ADAMTS5: variants seen among roughly 807,000 people sequenced by gnomAD.
The protein encoded by ADAMTS5 is ADAM metallopeptidase with thrombospondin type 1 motif 5.
ADAMTS5 carries 54 observed loss-of-function variants against 81.4 expected under a neutral mutation model. That is an observed-to-expected ratio of 0.66 (90% CI 0.53 to 0.83). The LOEUF is 0.83. Ranked by LOEUF, ADAMTS5 falls within the 40% of genes least tolerant of loss-of-function variation. The pLI, the probability that ADAMTS5 is intolerant of heterozygous loss-of-function variation, is 0.00. For missense variants in ADAMTS5, 1,194 were observed against 1,229.9 expected (o/e 0.97, Z 0.44); for synonymous variants, 532 against 508.8 (o/e 1.05, Z -0.61).
In ADAMTS5 at chr21:26,965,849, C is replaced by A; in HGVS notation, c.543G>T (p.Val181=). 1 of 1,612,782 alleles carries A rather than the reference C, an allele frequency of 6.2e-7. No homozygotes were observed. Among genetic ancestry groups the A allele is most frequent in the Non-Finnish European group, 8.5e-7 (1 of 1,179,558 alleles). The change falls in exon 1 of 8, where the codon GTG becomes GTT. Residue 181 remains valine (V), a synonymous_variant. Transcript: ENST00000284987. ...GPWAEEEKGR[V]YGDGSARILH... ...GGATCCGTGCGGACCCATCCCCGTACACGCGCCCCTTTTCTTCCTCCGCCC... is the reference window on the plus strand; with the variant it reads ...GGATCCGTGCGGACCCATCCCCGTAAACGCGCCCCTTTTCTTCCTCCGCCC...
Position 26,923,158 on chromosome 21 carries a change from T to C in ADAMTS5, c.*895A>G, listed in dbSNP as rs1010464239. The C allele has an allele frequency of 2.0e-5, 3 of 152,164 alleles. No homozygotes were observed. The highest frequency in any genetic ancestry group is 4.4e-5 in the Non-Finnish European group (3 of 68,014). The allele number at this position is 152,164 out of a possible 1,614,324, so 9.4% of individuals were successfully genotyped here. ...AAGCTCTGGAGAGAGAAAGTAGTTG[T>C]GAAAATATAAATTGAAAACACAGTG... On this transcript the variant is annotated 3_prime_UTR_variant, in exon 8 of 8. Transcript: ENST00000284987.
intron 3 of ADAMTS5, among the ~76,000 whole-genome samples, 193 bp from the exon 4 acceptor site, chr21:26,934,942 G>A (rs1018452937): frequency 6.6e-6 from 1 of 152,144 alleles, no homozygotes; most frequent in Non-Finnish European, 1.5e-5. Context: ...ACCCTCCAGG[G>A]TTCTCAGGAG....
At chr21:26,949,280 C>T (rs1475086258) in intron 2 of ADAMTS5, among the ~76,000 whole-genome samples, 1 of 151,872 alleles carries the variant, frequency 6.6e-6, no homozygotes, top group African/African-American at 2.4e-5. Flanking sequence ...CCACTGAAGC[C>T]TCCATCTCTT....
chr21:26,930,628 T>C (rs1417367988), intron 6 of ADAMTS5, among the ~76,000 whole-genome samples: 3 of 152,196 alleles, frequency 2.0e-5, no homozygotes, highest in Non-Finnish European at 4.4e-5. Context: ...ACGGACTTAC[T>C]GGAAGAGACT....
rs1009466824 is a variant in ADAMTS5 at position 26,965,345 on chromosome 21, G to T, written c.1047C>A (p.Asn349Lys). 1 of 1,614,154 alleles carries T rather than the reference G, an allele frequency of 6.2e-7. No homozygotes were observed. Among genetic ancestry groups the T allele is most frequent in the African/African-American group, 1.3e-5 (1 of 74,960 alleles). Residue 349 changes from asparagine to lysine, a missense_variant, in exon 1 of 8, where the codon AAC becomes AAA. Asn to Lys is a moderately conservative substitution (Grantham distance 94, BLOSUM62 0). This residue lies in a region of ADAMTS5 where 696 missense variants were observed against 817.6 expected (regional missense o/e 0.85). Coordinates refer to ENST00000284987, the MANE Select transcript of ADAMTS5 (RefSeq NM_007038.5). ...KNFCKWQHQH[N>K]QLGDDHEEHY... The stretch of plus-strand genomic sequence containing the variant: ...GCTCCTCATGGTCATCTCCCAGCTG[G>T]TTGTGTTGGTGCTGCCACTTGCAAA...
chr21:26,954,917 G>A (rs1987395157), intron 1 of ADAMTS5, 46 bp from the exon 2 acceptor site: 1 of 1,603,932 alleles, frequency 6.2e-7, no homozygotes, highest in Admixed American at 1.7e-5. Context: ...TTTACATCCA[G>A]AAGGAGCCGC....
chr21:26,965,455 G>A lies in ADAMTS5; in HGVS notation c.937C>T (p.Leu313=), dbSNP rs1287198154. 6.2e-7 allele frequency: 1 copy of A among 1,614,270 alleles called. No homozygotes were observed. The highest frequency in any genetic ancestry group is 1.1e-5 in the South Asian group (1 of 91,090). ...AGCACCACCACCTTCACCACGGCCA[G>A]GCGGATGTGGTTCTCGATGCTAGCA... ...SHASIENHIR[L]AVVKVVVLGD... is the part of the protein sequence containing the mutation. Residue 313 remains leucine (L), a synonymous_variant, in exon 1 of 8, where the codon CTG becomes TTG. Transcript: ENST00000284987.
chr21:26,938,132 C>G (rs1020574802), intron 3 of ADAMTS5, among the ~76,000 whole-genome samples: 4 of 151,322 alleles, frequency 2.6e-5, no homozygotes. Context: ...CCCAGCTACT[C>G]GGGAGGGAGG....
Position 26,923,911 on chromosome 21 carries a change from C to G in ADAMTS5, c.*142G>C. ...CACATCCTCTTTTGGTCACAGAGAG[C>G]AGATTCTGCCCATAATTGGACTCCT... On this transcript the variant is annotated 3_prime_UTR_variant, in exon 8 of 8. Coordinates refer to ENST00000284987, the MANE Select transcript of ADAMTS5 (RefSeq NM_007038.5). 1.2e-6 allele frequency: 1 copy of G among 838,214 alleles called. No homozygotes were observed. The highest frequency in any genetic ancestry group is 1.8e-6 in the Non-Finnish European group (1 of 558,374). 51.9% of individuals were successfully genotyped at this position (838,214 alleles called of 1,614,324 possible).
At chr21:26,954,950 C>A in intron 1 of ADAMTS5, 79 bp from the exon 2 acceptor site, 1 of 1,529,780 alleles carries the variant, frequency 6.5e-7, no homozygotes, top group South Asian at 1.2e-5. Flanking sequence ...CTTGCTTACC[C>A]CAAATGGCAA....
chr21:26,948,491 G>A (rs1396332954), intron 2 of ADAMTS5, among the ~76,000 whole-genome samples: 1 of 152,188 alleles, frequency 6.6e-6, no homozygotes, highest in Non-Finnish European at 1.5e-5. Flanking sequence ...CTGGGATTAT[G>A]GAGGTGCACG....
chr21:26,939,741 G>A (rs1305780751), intron 3 of ADAMTS5: 2 of 152,302 alleles, frequency 1.3e-5, no homozygotes, highest in Middle Eastern at 3.4e-3. Flanking sequence ...CTGGACTCAA[G>A]GTTAGTAAAC....
At chr21:26,965,060 G>A (rs1294917098) in intron 1 of ADAMTS5, among the ~76,000 whole-genome samples, 1 of 152,146 alleles carries the variant, frequency 6.6e-6, no homozygotes, top group African/African-American at 2.4e-5. Context: ...AGCACTACTG[G>A]GTCTTCATCA....
At position 26,966,057 on chromosome 21, in the gene ADAMTS5, C is replaced by A; in HGVS notation, c.335G>T (p.Gly112Val). The change falls in exon 1 of 8, where the codon GGC becomes GTC. Residue 112 changes from glycine to valine, a missense_variant. By Grantham distance (109) the Gly-to-Val change is moderately radical. Around this residue, in one of 2 missense-constraint regions of ADAMTS5, gnomAD observed 498 missense variants for 412.3 expected, o/e 1.21. Coordinates refer to ENST00000284987, the MANE Select transcript of ADAMTS5 (RefSeq NM_007038.5). ...CGTCCCGCCTCCTGCGGGCACGAAG[C>A]CAGCAATGCCCACCGAACCATCTCG... Reference protein sequence around the residue: ...LERDGSVGIAGFVPAGGGTSA... With the variant: ...LERDGSVGIAVFVPAGGGTSA... 1 of 1,613,276 alleles carries A rather than the reference C, an allele frequency of 6.2e-7. No homozygotes were observed. The highest frequency in any genetic ancestry group is 8.5e-7 in the Non-Finnish European group (1 of 1,179,966).
Position 26,924,030 on chromosome 21 carries a change from GT to G in ADAMTS5, c.*22del. On this transcript the variant is annotated 3_prime_UTR_variant, in exon 8 of 8. Transcript: ENST00000284987. ...AGTGCTGAATCCTCCAGTTATCTTT[GT>G]GCATAAGATCATAACCACAGGCTAA... The G allele has an allele frequency of 6.4e-7, 1 of 1,564,182 alleles. No individual in the cohort carries two copies. The highest frequency in any genetic ancestry group is 8.7e-7 in the Non-Finnish European group (1 of 1,149,914).
chr21:26,958,296 C>A (rs1987465344), intron 1 of ADAMTS5, among the ~76,000 whole-genome samples: 1 of 152,122 alleles, frequency 6.6e-6, no homozygotes, highest in Non-Finnish European at 1.5e-5. Context: ...TAAATAATAG[C>A]AACTTCTGTT....
intron 2 of ADAMTS5, among the ~76,000 whole-genome samples, chr21:26,948,041 T>TG (rs1048272450): frequency 1.3e-5 from 2 of 152,184 alleles, no homozygotes; most frequent in African/African-American, 4.8e-5. Flanking sequence ...GGCAAAGGGG[T>TG]GACATTTTAT....
Position 26,966,513 on chromosome 21 carries a change from G to C in ADAMTS5, c.-122C>G, listed in dbSNP as rs1013018905. 9 of 1,078,350 alleles carry C rather than the reference G, an allele frequency of 8.3e-6. No individual in the cohort carries two copies. The highest frequency in any genetic ancestry group is 2.4e-5 in the South Asian group (1 of 42,462). 66.8% of individuals were successfully genotyped at this position (1,078,350 alleles called of 1,614,324 possible). A position where few individuals can be genotyped will look rare whatever the true frequency, so the allele number is the denominator to read the frequency against. On this transcript the variant is annotated 5_prime_UTR_variant, in exon 1 of 8. Transcript: ENST00000284987. ...ACACTTGCTTGCAGGATTGAGTCAA[G>C]TGTCGGAGGGAGGGGGGCCCGGCAG...
intron 1 of ADAMTS5, among the ~76,000 whole-genome samples, chr21:26,964,667 C>T (rs564590292): frequency 6.6e-6 from 1 of 152,282 alleles, no homozygotes; most frequent in Non-Finnish European, 1.5e-5. Flanking sequence ...CCTGCTGGCC[C>T]GCCCACATTC....
Sources: allele counts gnomAD v4.1 joint callset (sites outside exome capture counted in the v4.1 genomes callset), GRCh38; gene constraint gnomAD v4.1.1; regional missense constraint gnomAD v4.1.1; transcripts MANE v1.5; gene names NCBI Gene and HGNC (gene_info 2026-07-23, HGNC 2026-07-21).